Variants in PRKAR2A observed in about 807,000 individuals in gnomAD.
The protein encoded by PRKAR2A is cAMP-dependent protein kinase type II-alpha regulatory subunit.
PRKAR2A carries 29 observed loss-of-function variants against 51.9 expected under a neutral mutation model. That is an observed-to-expected ratio of 0.56 (90% CI 0.42 to 0.76). The LOEUF is 0.76. Among genes scored for constraint, PRKAR2A ranks in the 30% least tolerant of loss-of-function variants. The pLI, the probability that PRKAR2A is intolerant of heterozygous loss-of-function variation, is 0.00. For missense variants in PRKAR2A, 445 were observed against 512.1 expected, an observed-to-expected ratio of 0.87 and a Z score of 1.26; for synonymous variants, 178 against 186.2, an observed-to-expected ratio of 0.96 and a Z score of 0.36.
At chr3:48,838,983 CAA>C (rs940746232) in intron 1 of PRKAR2A, among the ~76,000 whole-genome samples, 1 of 134,916 alleles carries the variant, frequency 7.4e-6, no homozygotes. Flanking sequence ...GACTCCGTCT[CAA>C]AAAAAAAAAT....
intron 1 of PRKAR2A, among the ~76,000 whole-genome samples, chr3:48,813,024 G>C (rs1327391444): frequency 6.6e-6 from 1 of 152,056 alleles, no homozygotes; most frequent in African/African-American, 2.4e-5. Context: ...GACTGGAAAA[G>C]AATAGGAGGT....
At chr3:48,783,583 G>GT (rs200560127) in intron 4 of PRKAR2A, among the ~76,000 whole-genome samples, 2,852 of 151,334 alleles carry the variant, frequency 0.019, 50 homozygotes, top group Non-Finnish European at 0.03. Context: ...TATCTTGTTT[G>GT]TTTTTTTTTG....
intron 7 of PRKAR2A, 68 bp from the exon 8 acceptor site, chr3:48,765,146 A>G: frequency 6.4e-7 from 1 of 1,552,172 alleles, no homozygotes; most frequent in Non-Finnish European, 8.9e-7. Context: ...TATGCAGCAC[A>G]GAAATAGGAT....
intron 1 of PRKAR2A, among the ~76,000 whole-genome samples, chr3:48,825,939 T>C (rs1438823719): frequency 6.6e-6 from 1 of 152,200 alleles, no homozygotes; most frequent in Non-Finnish European, 1.5e-5. Flanking sequence ...AGTTATACTT[T>C]GGGGATCCCA....
intron 1 of PRKAR2A, among the ~76,000 whole-genome samples, chr3:48,811,138 C>T (rs979739387): frequency 3.3e-5 from 5 of 152,038 alleles, no homozygotes; most frequent in African/African-American, 9.7e-5. Context: ...GATTGTACCA[C>T]TGCACTTCAG....
chr3:48,754,038 C>T (rs2081712023), intron 9 of PRKAR2A, among the ~76,000 whole-genome samples: 1 of 150,346 alleles, frequency 6.7e-6, no homozygotes, highest in Non-Finnish European at 1.5e-5. Context: ...GCTGGGACTA[C>T]AGGTGCCCGC....
At position 48,748,318 on chromosome 3, in the gene PRKAR2A, G is replaced by A. The variant is rs1406633318; in HGVS notation, c.*3267C>T. 4 of 144,234 alleles carry A rather than the reference G, an allele frequency of 2.8e-5. No individual in the cohort carries two copies. The highest frequency in any genetic ancestry group is 6.0e-5 in the Non-Finnish European group (4 of 66,508). The allele number at this position is 144,234 out of a possible 1,614,324, so 8.9% of individuals were successfully genotyped here. On this transcript the variant is annotated 3_prime_UTR_variant, in exon 11 of 11. Coordinates refer to ENST00000265563, the MANE Select transcript of PRKAR2A (RefSeq NM_004157.4). ...TTTTTTTTTTTTTTTTTTCTTGGTA[G>A]AGACAGGGTCTCCCTCTGTTGCCCA...
rs1357503771 is a variant in PRKAR2A at position 48,794,191 on chromosome 3, G to C, written c.299-142C>G. ...TTTGAGACAGAGTTTTGCTCTTGTT[G>C]CCCAGGCTGGAGTACAGTGGCACAA... is the stretch of plus-strand genomic sequence containing the variant. On this transcript the variant is annotated intron_variant, in intron 2 of 10. Coordinates refer to ENST00000265563, the MANE Select transcript of PRKAR2A (RefSeq NM_004157.4). 4 of 633,676 alleles carry C rather than the reference G, an allele frequency of 6.3e-6. No individual in the cohort carries two copies. In the African/African-American group the frequency reaches 7.9e-5, roughly 13 times the overall value. 39.3% of individuals were successfully genotyped at this position (633,676 alleles called of 1,614,324 possible).
intron 1 of PRKAR2A, among the ~76,000 whole-genome samples, chr3:48,836,372 T>C (rs1010681828): frequency 3.6e-5 from 5 of 138,648 alleles, no homozygotes; most frequent in Non-Finnish European, 6.1e-5. Flanking sequence ...TGAGCCAAGA[T>C]TGTGCCATTG....
intron 1 of PRKAR2A, among the ~76,000 whole-genome samples, chr3:48,833,404 T>C (rs1275379072): frequency 6.6e-6 from 1 of 152,162 alleles, no homozygotes; most frequent in Non-Finnish European, 1.5e-5. Flanking sequence ...ACGGTTCCTC[T>C]TGTGTTTAGA....
chr3:48,766,733 G>A (rs1233365692), intron 6 of PRKAR2A, among the ~76,000 whole-genome samples: 2 of 152,170 alleles, frequency 1.3e-5, no homozygotes, highest in Non-Finnish European at 2.9e-5. Context: ...CAGCAAAAAT[G>A]TCTAGGACCT....
chr3:48,784,046 T>C (rs1392156503), intron 4 of PRKAR2A, among the ~76,000 whole-genome samples: 1 of 152,172 alleles, frequency 6.6e-6, no homozygotes, highest in Non-Finnish European at 1.5e-5. Context: ...ATACAGCACA[T>C]ACAATTACTT....
At chr3:48,828,260 C>T (rs573016648) in intron 1 of PRKAR2A, among the ~76,000 whole-genome samples, 3 of 152,226 alleles carry the variant, frequency 2.0e-5, no homozygotes, top group African/African-American at 7.2e-5. Context: ...TACAAACAGG[C>T]GTGATCATGG....
chr3:48,792,058 G>A (rs949782226), intron 3 of PRKAR2A, among the ~76,000 whole-genome samples: 50 of 151,644 alleles, frequency 3.3e-4, no homozygotes, highest in Non-Finnish European at 5.6e-4. Flanking sequence ...AAATGGTAGC[G>A]TTTATTAGAA....
intron 5 of PRKAR2A, among the ~76,000 whole-genome samples, chr3:48,782,495 G>A (rs1026032097): frequency 3.3e-5 from 5 of 151,492 alleles, no homozygotes; most frequent in Admixed American, 1.3e-4. Context: ...GTGCAGTGGC[G>A]GGGTCTCAGC....
At chr3:48,764,970 T>C (rs780001305) in intron 8 of PRKAR2A, 34 bp downstream of exon 8, 1 of 1,592,604 alleles carries the variant, frequency 6.3e-7, no homozygotes, top group Non-Finnish European at 8.6e-7. Context: ...AGGGGTGACT[T>C]CCAGGAAAGG....
chr3:48,802,879 CA>C (rs1268011400), intron 2 of PRKAR2A, among the ~76,000 whole-genome samples: 9 of 152,248 alleles, frequency 5.9e-5, no homozygotes, highest in South Asian at 4.1e-4. Flanking sequence ...GTTAAAAGAT[CA>C]AAGATTATGC....
chr3:48,815,397 T>C (rs2082857709), intron 1 of PRKAR2A, among the ~76,000 whole-genome samples: 1 of 151,300 alleles, frequency 6.6e-6, no homozygotes, highest in African/African-American at 2.4e-5. Context: ...AGCTTTATTA[T>C]GCTTTAAAAA....
At chr3:48,782,856 A>C (rs2082223236) in intron 5 of PRKAR2A, 130 bp downstream of exon 5, 1 of 648,290 alleles carries the variant, frequency 1.5e-6, no homozygotes, top group Non-Finnish European at 2.7e-6. Context: ...GGACTCTCAC[A>C]AGGCTTTGGG....
Sources: allele counts gnomAD v4.1 joint callset (sites outside exome capture counted in the v4.1 genomes callset), GRCh38; gene constraint gnomAD v4.1.1; transcripts MANE v1.5; gene names NCBI Gene and HGNC (gene_info 2026-07-23, HGNC 2026-07-21).